The following RBM20 variants were observed in gnomAD, a reference collection of about 807,000 sequenced individuals.
RBM20 encodes RNA-binding protein 20.
In RBM20, 51 loss-of-function variants were observed where a neutral mutation model predicts 110.1. That is an observed-to-expected ratio of 0.46 (90% CI 0.37 to 0.59). The LOEUF is 0.59. Ranked by LOEUF, RBM20 falls within the 20% of genes least tolerant of loss-of-function variation. The pLI, the probability that RBM20 is intolerant of heterozygous loss-of-function variation, is 0.00. For missense variants in RBM20, 1,512 were observed against 1,574.9 expected (o/e 0.96, Z 0.68); for synonymous variants, 589 against 618.2 (o/e 0.95, Z 0.70).
At chr10:110,649,719 G>A (rs924404526) in intron 1 of RBM20, among the ~76,000 whole-genome samples, 14 of 152,192 alleles carry the variant, frequency 9.2e-5, no homozygotes, top group South Asian at 2.1e-4. Flanking sequence ...ACTGGTAGCT[G>A]CGTTTAGAGT....
intron 6 of RBM20, among the ~76,000 whole-genome samples, chr10:110,798,888 A>C (rs1419412025): frequency 6.6e-6 from 1 of 152,224 alleles, no homozygotes. Context: ...AAACAATAGC[A>C]GCAACAAATT....
rs537977441 is a variant in RBM20, at chr10:110,827,161, G to A, written c.3451+3547G>A. Among the ~76,000 whole-genome samples the A allele has an allele frequency of 2.6e-5, 4 of 152,162 alleles. No individual in the cohort carries two copies. The South Asian group carries it at 8.3e-4, about 32-fold the overall frequency. On this transcript the variant is annotated intron_variant, in intron 12 of 13. Coordinates refer to ENST00000369519, the MANE Select transcript of RBM20 (RefSeq NM_001134363.3). Reference sequence around the variant, plus strand: ...AGGATGACATAGCAAACGCAGGTTAGAACTCAGGATTTCTCAGCCTGGGCA... The same window carrying A: ...AGGATGACATAGCAAACGCAGGTTAAAACTCAGGATTTCTCAGCCTGGGCA...
intron 5 of RBM20, among the ~76,000 whole-genome samples, chr10:110,789,071 C>T (rs1564846660): frequency 6.6e-6 from 1 of 152,206 alleles, no homozygotes. Context: ...TGTCTGATTC[C>T]ATTTACATGC....
At chr10:110,726,371 T>C (rs1412100754) in intron 1 of RBM20, among the ~76,000 whole-genome samples, 1 of 152,208 alleles carries the variant, frequency 6.6e-6, no homozygotes, top group East Asian at 1.9e-4. Context: ...TGGCATGGGT[T>C]ACTGTTCCAA....
chr10:110,768,987 C>A (rs111505068), intron 1 of RBM20, among the ~76,000 whole-genome samples: 43 of 152,296 alleles, frequency 2.8e-4, no homozygotes, highest in African/African-American at 9.9e-4. Context: ...GACAAATGGT[C>A]ATGCTGTTTG....
At chr10:110,649,866 G>A (rs1013556453) in intron 1 of RBM20, among the ~76,000 whole-genome samples, 6 of 152,330 alleles carry the variant, frequency 3.9e-5, no homozygotes, top group Middle Eastern at 3.4e-3. Context: ...GAGAATATGC[G>A]TGTTATCCTG....
chr10:110,778,878 A>G (rs1470768481), intron 1 of RBM20, among the ~76,000 whole-genome samples: 2 of 152,230 alleles, frequency 1.3e-5, no homozygotes, highest in Non-Finnish European at 2.9e-5. Context: ...ACCAACCAAT[A>G]TAGGTCACAT....
chr10:110,741,643 A>G (rs1480983505), intron 1 of RBM20, among the ~76,000 whole-genome samples: 2 of 152,068 alleles, frequency 1.3e-5, no homozygotes, highest in African/African-American at 4.8e-5. Context: ...GCCTTCTGCC[A>G]TTTGTCAACT....
Position 110,749,397 on chromosome 10 carries a change from T to G in RBM20, c.192-31404T>G, listed in dbSNP as rs183341161. On this transcript the variant is annotated intron_variant, in intron 1 of 13. Transcript: ENST00000369519. The stretch of plus-strand genomic sequence containing the variant: ...AAAAAGATACAGTTCACAATAACAA[T>G]AAAACAATAGGGTACCTAGAAAAAA... 2.5e-3 allele frequency among the ~76,000 whole-genome samples: 380 copies of G among 152,134 alleles called. 1 individual carries two copies. Among genetic ancestry groups the G allele is most frequent in the Non-Finnish European group, 3.3e-3 (226 of 67,984 alleles).
intron 1 of RBM20, among the ~76,000 whole-genome samples, chr10:110,779,305 C>G (rs960937884): frequency 6.6e-6 from 1 of 152,116 alleles, no homozygotes; most frequent in Non-Finnish European, 1.5e-5. Context: ...ATCAAACATG[C>G]CTGTGCAATG....
Position 110,823,338 on chromosome 10 carries a change from C to G in RBM20, c.3317-142C>G, listed in dbSNP as rs1409651719. 5 of 1,098,188 alleles carry G rather than the reference C, an allele frequency of 4.6e-6. No individual in the cohort carries two copies. The East Asian group carries it at 1.3e-4, about 29-fold the overall frequency. The allele number at this position is 1,098,188 out of a possible 1,614,324, so 68.0% of individuals were successfully genotyped here. ...TTGGTTCTAATTAGCAACCATTGCC[C>G]CAGCCTTATGTGATTAAGCAGTCCA... On this transcript the variant is annotated intron_variant, in intron 11 of 13. Transcript: ENST00000369519.
At chr10:110,741,535 C>A (rs1843725106) in intron 1 of RBM20, among the ~76,000 whole-genome samples, 1 of 152,096 alleles carries the variant, frequency 6.6e-6, no homozygotes, top group African/African-American at 2.4e-5. Context: ...TCCTTCCTTT[C>A]CCTCACCTCT....
At chr10:110,830,004 C>T (rs1208265746) in intron 12 of RBM20, among the ~76,000 whole-genome samples, 1 of 152,240 alleles carries the variant, frequency 6.6e-6, no homozygotes, top group Non-Finnish European at 1.5e-5. Flanking sequence ...AGCCCTCACA[C>T]CCTGCCCTTT....
chr10:110,813,533 C>T (rs1249299349), intron 9 of RBM20, among the ~76,000 whole-genome samples: 1 of 152,164 alleles, frequency 6.6e-6, no homozygotes, highest in Non-Finnish European at 1.5e-5. Flanking sequence ...TTTACCTCCA[C>T]TCTAATAAAA....
chr10:110,769,155 G>T (rs1844150911), intron 1 of RBM20, among the ~76,000 whole-genome samples: 1 of 152,188 alleles, frequency 6.6e-6, no homozygotes, highest in South Asian at 2.1e-4. Flanking sequence ...AATCTCTGGA[G>T]GTGGGACTCA....
intron 1 of RBM20, among the ~76,000 whole-genome samples, chr10:110,667,220 A>T (rs942384484): frequency 4.6e-5 from 7 of 152,222 alleles, no homozygotes; most frequent in Admixed American, 1.3e-4. Context: ...CAGTGCATTC[A>T]CCAAGATCCT....
intron 9 of RBM20, 138 bp from the exon 10 acceptor site, chr10:110,819,934 G>T: frequency 1.9e-6 from 1 of 536,048 alleles, no homozygotes; most frequent in Non-Finnish European, 3.3e-6. Context: ...TGCCTCCAAG[G>T]GATTCTGGGA....
chr10:110,816,638 C>G (rs1844844704), intron 9 of RBM20, among the ~76,000 whole-genome samples: 1 of 152,190 alleles, frequency 6.6e-6, no homozygotes, highest in South Asian at 2.1e-4. Context: ...TTGTCACCCC[C>G]AGCTCCAGGT....
chr10:110,708,542 G>T (rs962408147), intron 1 of RBM20, among the ~76,000 whole-genome samples: 3 of 152,010 alleles, frequency 2.0e-5, no homozygotes, highest in Non-Finnish European at 2.9e-5. Flanking sequence ...AAATACGTAG[G>T]TTCTATATAT....
Sources: gnomAD v4.1 joint callset for allele counts (sites outside exome capture counted in the v4.1 genomes callset) on GRCh38, gnomAD v4.1.1 for gene constraint, MANE v1.5 for transcripts, NCBI Gene and HGNC (gene_info 2026-07-23, HGNC 2026-07-21) for gene names.